The following LINS1 variants were observed in gnomAD, a reference collection of about 807,000 sequenced individuals.
The protein encoded by LINS1 is protein Lines homolog 1.
LINS1 carries 27 observed loss-of-function variants against 41.6 expected under a neutral mutation model. The observed-to-expected ratio is 0.65, with a 90% CI of 0.48 to 0.89. LINS1 has a LOEUF of 0.89. LINS1 is among the 40% of genes least tolerant of loss of function. The pLI, the probability that LINS1 is intolerant of heterozygous loss-of-function variation, is 0.00. For missense variants in LINS1, 955 were observed against 884.1 expected (o/e 1.08, Z -1.02); for synonymous variants, 336 against 312.9 (o/e 1.07, Z -0.78).
At chr15:100,578,049 TA>T (rs1349976684) in intron 3 of LINS1, among the ~76,000 whole-genome samples, 1 of 152,124 alleles carries the variant, frequency 6.6e-6, no homozygotes. Context: ...ACTTATATGT[TA>T]GACTTAAAAC....
At chr15:100,585,382 A>G (rs4965322) in intron 1 of LINS1, among the ~76,000 whole-genome samples, 7,023 of 152,198 alleles carry the variant, frequency 0.046, 317 homozygotes, top group Admixed American at 0.15. Context: ...GTTGAATGGG[A>G]AAGTGGGATG....
intron 1 of LINS1, among the ~76,000 whole-genome samples, chr15:100,589,558 C>T (rs997998860): frequency 6.6e-6 from 1 of 152,186 alleles, no homozygotes; most frequent in Admixed American, 6.5e-5. Context: ...GTCACCTTGT[C>T]CTTTCTGAGT....
At chr15:100,574,713 A>G (rs2038055114) in intron 4 of LINS1, among the ~76,000 whole-genome samples, 1 of 152,242 alleles carries the variant, frequency 6.6e-6, no homozygotes, top group Non-Finnish European at 1.5e-5. Flanking sequence ...TCTCAAAAAA[A>G]TAAAACAAAA....
intron 1 of LINS1, 120 bp downstream of exon 1, chr15:100,602,001 C>T (rs1378691736): frequency 2.0e-5 from 3 of 152,126 alleles, no homozygotes; most frequent in Admixed American, 6.6e-5. Context: ...AACAAGGCAC[C>T]CCTCTACTCG....
intron 3 of LINS1, 145 bp from the exon 4 acceptor site, chr15:100,575,273 T>G (rs1254764501): frequency 1.6e-6 from 1 of 635,982 alleles, no homozygotes; most frequent in African/African-American, 1.9e-5. Flanking sequence ...ATCCTAATAT[T>G]ATTTAAGTAA....
At position 100,573,839 on chromosome 15, in the gene LINS1, A is replaced by G; in HGVS notation, c.1034T>C (p.Val345Ala). The G allele has an allele frequency of 6.2e-7, 1 of 1,614,242 alleles. No homozygotes were observed. The highest frequency in any genetic ancestry group is 8.5e-7 in the Non-Finnish European group (1 of 1,180,046). Reference protein sequence around the residue: ...LALANAVLQAVNSGLLKTLSV... With the variant: ...LALANAVLQAANSGLLKTLSV... ...CAGTGTCTTCAACAACCCCGAATTC[A>G]CAGCTTGCAAAACAGCATTAGCTAA... Residue 345 changes from valine (V) to alanine (A), a missense_variant, in exon 5 of 7, where the codon GTG (valine) becomes GCG (alanine). Val to Ala is a moderately conservative substitution (Grantham distance 64). Transcript: ENST00000314742.
In LINS1 at chr15:100,570,009, A is replaced by G. The variant is rs768983932; in HGVS notation, c.1503T>C (p.Asn501=). Residue 501 remains asparagine (N), a synonymous_variant, in exon 7 of 7, where the codon AAT becomes AAC. Coordinates refer to ENST00000314742, the MANE Select transcript of LINS1 (RefSeq NM_001040616.3). Reference sequence around the variant, plus strand: ...GAAGAACTGTGGAATCAAATCCTATATTTTTCAAGAAGAACAAGAAAATAC... The same window carrying G: ...GAAGAACTGTGGAATCAAATCCTATGTTTTTCAAGAAGAACAAGAAAATAC... The part of the protein sequence containing the change: ...PHCIFLFFLK[N]IGFDSTVLLD... 1.9e-6 allele frequency: 3 copies of G among 1,554,680 alleles called. No homozygotes were observed. Among genetic ancestry groups the G allele is most frequent in the African/African-American group, 2.7e-5 (2 of 72,768 alleles).
chr15:100,580,020 T>C (rs927483578), intron 3 of LINS1, among the ~76,000 whole-genome samples: 1 of 152,152 alleles, frequency 6.6e-6, no homozygotes, highest in Non-Finnish European at 1.5e-5. Flanking sequence ...AATACAAATA[T>C]CTGAAGGGTA....
At chr15:100,573,495 CTT>C (rs34816737) in intron 5 of LINS1, 154 bp downstream of exon 5, 1,738 of 605,224 alleles carry the variant, frequency 2.9e-3, no homozygotes, top group South Asian at 6.0e-3. Flanking sequence ...AAATCCAGTT[CTT>C]TTTTTTTTTT....
chr15:100,577,496 A>G (rs2038256561), intron 3 of LINS1, among the ~76,000 whole-genome samples: 1 of 152,236 alleles, frequency 6.6e-6, no homozygotes. Context: ...AAGGAGAACT[A>G]CAAACCACTG....
chr15:100,588,674 T>C (rs893162148), intron 1 of LINS1, among the ~76,000 whole-genome samples: 1 of 152,230 alleles, frequency 6.6e-6, no homozygotes, highest in African/African-American at 2.4e-5. Flanking sequence ...AGATTCTAGA[T>C]AAGTCTTGGG....
At chr15:100,570,552 T>C (rs987022583) in intron 6 of LINS1, 1 of 155,738 alleles carries the variant, frequency 6.4e-6, no homozygotes, top group African/African-American at 2.4e-5. Flanking sequence ...CCCAAGTGGG[T>C]TAATCAGGTC....
intron 3 of LINS1, among the ~76,000 whole-genome samples, chr15:100,578,969 G>A (rs1368386813): frequency 1.3e-5 from 2 of 151,338 alleles, no homozygotes; most frequent in Admixed American, 6.6e-5. Context: ...GGTGGGAACT[G>A]AACAATGACA....
In LINS1 at chr15:100,590,460, T is replaced by A. The variant is rs138725271; in HGVS notation, c.-103-9515A>T. On this transcript the variant is annotated intron_variant, in intron 1 of 6. Transcript: ENST00000314742. Reference sequence around the variant, plus strand: ...CCATATCCCAAGTTAAAGAGAACATTGCTAGGAGGCCTTCAATCTTCTAGA... The same window carrying A: ...CCATATCCCAAGTTAAAGAGAACATAGCTAGGAGGCCTTCAATCTTCTAGA... Among the ~76,000 whole-genome samples the A allele has an allele frequency of 2.0e-3, 304 of 152,282 alleles. 1 individual carries two copies. Among genetic ancestry groups the A allele is most frequent in the African/African-American group, 6.9e-3 (287 of 41,552 alleles).
At chr15:100,587,548 C>T (rs2038863852) in intron 1 of LINS1, among the ~76,000 whole-genome samples, 1 of 152,080 alleles carries the variant, frequency 6.6e-6, no homozygotes, top group East Asian at 1.9e-4. Context: ...GTTTATTCTC[C>T]TCTGGGCTTT....
chr15:100,576,168 TA>T (rs2038162708), intron 3 of LINS1, among the ~76,000 whole-genome samples: 1 of 151,918 alleles, frequency 6.6e-6, no homozygotes, highest in African/African-American at 2.4e-5. Context: ...AAGAAATAAC[TA>T]AGATCAGAGC....
At chr15:100,586,818 T>C (rs2038820549) in intron 1 of LINS1, among the ~76,000 whole-genome samples, 1 of 152,088 alleles carries the variant, frequency 6.6e-6, no homozygotes, top group African/African-American at 2.4e-5. Flanking sequence ...TTTGGCTAAT[T>C]AATGTTTTCA....
At chr15:100,580,388 G>A in intron 2 of LINS1, 36 bp from the exon 3 acceptor site, 2 of 1,603,808 alleles carry the variant, frequency 1.2e-6, no homozygotes, top group South Asian at 1.1e-5. Flanking sequence ...CACTATTGCT[G>A]AATGTTCTTA....
intron 4 of LINS1, 62 bp downstream of exon 4, chr15:100,574,925 T>C (rs1376729203): frequency 1.3e-6 from 2 of 1,543,226 alleles, no homozygotes; most frequent in African/African-American, 1.4e-5. Context: ...TTGTTTCTCA[T>C]TATAAATGCA....
Sources: gnomAD v4.1 joint callset for allele counts (sites outside exome capture counted in the v4.1 genomes callset) on GRCh38, gnomAD v4.1.1 for gene constraint, MANE v1.5 for transcripts, NCBI Gene and HGNC (gene_info 2026-07-23, HGNC 2026-07-21) for gene names.